L3HYPDH: variants seen among roughly 807,000 people sequenced by gnomAD.
L3HYPDH encodes the protein trans-3-hydroxy-L-proline dehydratase.
Under a neutral mutation model 26.5 loss-of-function variants are expected in L3HYPDH, and 32 were observed. The ratio of observed to expected loss-of-function variants is 1.21; its 90% CI spans 0.91 to 1.62. L3HYPDH has a LOEUF of 1.62. L3HYPDH is among the 40% of genes most tolerant of loss of function. L3HYPDH has a pLI of 0.00. For missense variants in L3HYPDH, 554 were observed against 476.4 expected (o/e 1.16, Z -1.52); for synonymous variants, 215 against 196.6 (o/e 1.09, Z -0.78).
chr14:59,474,613 C>G, intron 4 of L3HYPDH: 1 of 639,118 alleles, frequency 1.6e-6, no homozygotes, highest in South Asian at 1.8e-5. Flanking sequence ...TTCAGAGACC[C>G]ACCTTCATGA....
chr14:59,482,049 C>G (rs1212772050), intron 1 of L3HYPDH, among the ~76,000 whole-genome samples: 1 of 152,188 alleles, frequency 6.6e-6, no homozygotes, highest in Non-Finnish European at 1.5e-5. Context: ...ACTCATTCAA[C>G]AAACATTCAT....
At chr14:59,476,662 G>T (rs538966286) in intron 2 of L3HYPDH, among the ~76,000 whole-genome samples, 1 of 152,296 alleles carries the variant, frequency 6.6e-6, no homozygotes, top group Non-Finnish European at 1.5e-5. Flanking sequence ...TAGAGCTGAA[G>T]TTAACACCAA....
upstream of L3HYPDH, chr14:59,485,261 T>C (rs1890447165): frequency 5.4e-6 from 4 of 745,316 alleles, no homozygotes; most frequent in Non-Finnish European, 8.2e-6. Context: ...TTCCAATTCC[T>C]TACCTTCTGC....
Position 59,472,805 on chromosome 14 carries a change from C to A in L3HYPDH, c.*160G>T. 1 of 525,814 alleles carries A rather than the reference C, an allele frequency of 1.9e-6. No individual in the cohort carries two copies. Among genetic ancestry groups the A allele is most frequent in the Non-Finnish European group, 3.1e-6 (1 of 324,976 alleles). 32.6% of individuals were successfully genotyped at this position (525,814 alleles called of 1,614,324 possible). Reference sequence around the variant, plus strand: ...ATTTATACAAATACAGTTGCAAATACGAGGTATAATGACTTTATATTTAGC... The same window carrying A: ...ATTTATACAAATACAGTTGCAAATAAGAGGTATAATGACTTTATATTTAGC... On this transcript the variant is annotated 3_prime_UTR_variant, in exon 5 of 5. Coordinates refer to ENST00000247194, the MANE Select transcript of L3HYPDH (RefSeq NM_144581.2).
At chr14:59,467,250 G>A (rs1284128531) in intron 1 of L3HYPDH, among the ~76,000 whole-genome samples, 1 of 152,206 alleles carries the variant, frequency 6.6e-6, no homozygotes, top group Non-Finnish European at 1.5e-5. Flanking sequence ...TGATGAATGT[G>A]CAAAGTCTGG....
At chr14:59,476,035 T>G in intron 3 of L3HYPDH, 29 bp from the exon 4 acceptor site, 1 of 1,613,844 alleles carries the variant, frequency 6.2e-7, no homozygotes, top group Non-Finnish European at 8.5e-7. Context: ...AGACAGAATG[T>G]TCATAGTGTG....
the L3HYPDH span, chr14:59,500,984 A>G: frequency 2.0e-6 from 1 of 501,226 alleles, no homozygotes; most frequent in Non-Finnish European, 3.5e-6. Flanking sequence ...TAATCGAGAC[A>G]GAGAAATGCA....
chr14:59,503,887 C>G, the L3HYPDH span: 3 of 1,612,392 alleles, frequency 1.9e-6, no homozygotes, highest in Non-Finnish European at 2.5e-6. Flanking sequence ...AAAGAAAAGA[C>G]TTATTGTTCT....
At chr14:59,493,524 A>G in the L3HYPDH span, among the ~76,000 whole-genome samples, 174 of 152,356 alleles carry the variant, frequency 1.1e-3, no homozygotes, top group South Asian at 3.1e-3. Flanking sequence ...TTGCTATGCA[A>G]TGATACATAA....
chr14:59,467,871 C>A (rs879429882), downstream of L3HYPDH, among the ~76,000 whole-genome samples: 5 of 152,198 alleles, frequency 3.3e-5, no homozygotes, highest in South Asian at 4.1e-4. Flanking sequence ...CTCCTCCTTA[C>A]CACCAGTCCA....
At chr14:59,504,553 TG>T in the L3HYPDH span, 1 of 153,688 alleles carries the variant, frequency 6.5e-6, no homozygotes, top group Non-Finnish European at 1.5e-5. Flanking sequence ...TATTGTTTTT[TG>T]TTATCTATTT....
chr14:59,500,348 A>G, the L3HYPDH span, among the ~76,000 whole-genome samples: 1 of 152,226 alleles, frequency 6.6e-6, no homozygotes, highest in Non-Finnish European at 1.5e-5. Context: ...GTAGTTTCAT[A>G]AACTGAAGTC....
At chr14:59,495,723 A>G in the L3HYPDH span, among the ~76,000 whole-genome samples, 2 of 152,234 alleles carry the variant, frequency 1.3e-5, no homozygotes, top group African/African-American at 4.8e-5. Flanking sequence ...AAGGGAAAAT[A>G]GAAGTCTGGT....
At chr14:59,466,861 T>G (rs1429786575) in intron 1 of L3HYPDH, among the ~76,000 whole-genome samples, 1 of 152,210 alleles carries the variant, frequency 6.6e-6, no homozygotes, top group Non-Finnish European at 1.5e-5. Flanking sequence ...ACCTACGAGA[T>G]GCCAGTAGCA....
At chr14:59,485,535 A>G (rs1398938667), upstream of L3HYPDH, 1 of 158,808 alleles carries the variant, frequency 6.3e-6, no homozygotes, top group African/African-American at 2.4e-5. Flanking sequence ...CAGGCAGTCT[A>G]GATTGTGAAT....
At chr14:59,485,528 G>A (rs1180828398), upstream of L3HYPDH, 1 of 161,262 alleles carries the variant, frequency 6.2e-6, no homozygotes, top group Non-Finnish European at 1.3e-5. Context: ...TGTAGACCAG[G>A]CAGTCTAGAT....
At position 59,476,232 on chromosome 14, in the gene L3HYPDH, AG is replaced by A; in HGVS notation, c.679-19del. On this transcript the variant is annotated intron_variant, in intron 2 of 4. Transcript: ENST00000247194. ...ATTTTAAACTGCAAGTAACAAAAAA[AG>A]ATCACATGCAAAATAAATATTTTGA... 7.3e-7 allele frequency: 1 copy of A among 1,375,162 alleles called. No individual in the cohort carries two copies. The highest frequency in any genetic ancestry group is 9.8e-7 in the Non-Finnish European group (1 of 1,023,524). The allele number at this position is 1,375,162 out of a possible 1,614,324, so 85.2% of individuals were successfully genotyped here.
In L3HYPDH at chr14:59,483,925, G is replaced by T; in HGVS notation, c.392C>A (p.Ala131Asp). 1 of 1,555,350 alleles carries T rather than the reference G, an allele frequency of 6.4e-7. No individual in the cohort carries two copies. Among genetic ancestry groups the T allele is most frequent in the Non-Finnish European group, 8.6e-7 (1 of 1,156,106 alleles). ...GCAGGGGCAGTGGATATTGACGCGG[G>T]CCTCGCGGGTGCCCGCAGGGGGCGC... ...VPAPPAGTRE[A>D]RVNIHCPCGL... Residue 131 changes from alanine to aspartate, a missense_variant, in exon 1 of 5, where the codon GCC (alanine) becomes GAC (aspartate). Ala to Asp is a moderately radical substitution (Grantham distance 126). Coordinates refer to ENST00000247194, the MANE Select transcript of L3HYPDH (RefSeq NM_144581.2).
In L3HYPDH at chr14:59,479,450, A is replaced by G; in HGVS notation, c.509-99T>C. On this transcript the variant is annotated intron_variant, in intron 1 of 4. Coordinates refer to ENST00000247194, the MANE Select transcript of L3HYPDH (RefSeq NM_144581.2). ...TTAATATGTTTATTTTTCAAGAGGG[A>G]TGTTCTTTTCCTATCATAAAAATAA... The G allele has an allele frequency of 2.7e-6, 3 of 1,105,700 alleles. No individual in the cohort carries two copies. The South Asian group carries it at 4.4e-5, about 16-fold the overall frequency. 68.5% of individuals were successfully genotyped at this position (1,105,700 alleles called of 1,614,324 possible). A position where few individuals can be genotyped will look rare whatever the true frequency, so the allele number is the denominator to read the frequency against.
Sources: allele counts gnomAD v4.1 joint callset (sites outside exome capture counted in the v4.1 genomes callset), GRCh38; gene constraint gnomAD v4.1.1; transcripts MANE v1.5; gene names NCBI Gene and HGNC (gene_info 2026-07-23, HGNC 2026-07-21).